The following ADGRL2 variants were observed in gnomAD, a reference collection of about 807,000 sequenced individuals.
ADGRL2 encodes calcium-independent alpha-latrotoxin receptor 2.
A neutral mutation model predicts 157.4 loss-of-function variants in ADGRL2; 44 were observed. That is an observed-to-expected ratio of 0.28 (90% CI 0.22 to 0.36). The LOEUF (loss-of-function observed/expected upper bound fraction) is 0.36. ADGRL2 is among the 10% of genes least tolerant of loss of function. ADGRL2 has a pLI of 1.00. For missense variants in ADGRL2, 1,510 were observed against 1,768.9 expected (o/e 0.85, Z 2.63); for synonymous variants, 585 against 624.7 (o/e 0.94, Z 0.95).
chr1:81,950,218 T>G lies in ADGRL2; in HGVS notation c.1240T>G (p.Ser414Ala). 1 of 1,613,940 alleles carries G rather than the reference T, an allele frequency of 6.2e-7. No individual in the cohort carries two copies. The highest frequency in any genetic ancestry group is 8.5e-7 in the Non-Finnish European group (1 of 1,179,878). ...VPTTAVTITS[S>A]AELFKTIIST... is the part of the protein sequence containing the mutation. ...TACCACAGCTGTGACAATAACTTCT[T>G]CAGCTGAGCTGTTCAAAACCATAAT... Residue 414 changes from serine to alanine, a missense_variant, in exon 7 of 24, where the codon TCA becomes GCA. Transcript: ENST00000686636.
At chr1:81,477,597 G>A (rs2078298898) in intron 2 of ADGRL2, among the ~76,000 whole-genome samples, 1 of 152,170 alleles carries the variant, frequency 6.6e-6, no homozygotes, top group Non-Finnish European at 1.5e-5. Context: ...TTCACAATAT[G>A]CCCTGGCACT....
At chr1:81,653,181 T>C (rs530919779) in intron 3 of ADGRL2, among the ~76,000 whole-genome samples, 91 of 152,274 alleles carry the variant, frequency 6.0e-4, no homozygotes, top group African/African-American at 2.1e-3. Flanking sequence ...TGTTGTCTCT[T>C]GCAACTTATT....
chr1:81,592,316 C>T (rs112764060), intron 3 of ADGRL2, among the ~76,000 whole-genome samples: 1 of 152,182 alleles, frequency 6.6e-6, no homozygotes, highest in Non-Finnish European at 1.5e-5. Context: ...CTCAAATACT[C>T]AATTCTGTCT....
In ADGRL2 at chr1:81,992,171, T is replaced by C. The variant is rs779635210; in HGVS notation, c.*1026T>C. The C allele has an allele frequency of 3.9e-5, 6 of 152,592 alleles. No homozygotes were observed. Among genetic ancestry groups the C allele is most frequent in the Non-Finnish European group, 8.8e-5 (6 of 68,020 alleles). 9.5% of individuals were successfully genotyped at this position (152,592 alleles called of 1,614,324 possible). ...TGGGCACTTCTCACAAACTTTCTAGTGAACAAAAGGTGCCTATTCTTTTTT... is the reference window on the plus strand; with the variant it reads ...TGGGCACTTCTCACAAACTTTCTAGCGAACAAAAGGTGCCTATTCTTTTTT... On this transcript the variant is annotated 3_prime_UTR_variant, in exon 24 of 24. Coordinates refer to ENST00000686636, the MANE Select transcript of ADGRL2 (RefSeq NM_001366006.2).
intron 1 of ADGRL2, among the ~76,000 whole-genome samples, chr1:81,820,695 G>A (rs1260027727): frequency 6.7e-6 from 1 of 149,690 alleles, no homozygotes; most frequent in Admixed American, 6.7e-5. Context: ...TTGATGTTCT[G>A]ATATTGAGAA....
intron 2 of ADGRL2, among the ~76,000 whole-genome samples, chr1:81,467,398 G>A (rs184412694): frequency 2.0e-5 from 3 of 152,158 alleles, no homozygotes; most frequent in Admixed American, 2.0e-4. Flanking sequence ...AAAAGACAGG[G>A]AGGAAAACAA....
At chr1:81,549,250 T>C (rs2080088511) in intron 2 of ADGRL2, among the ~76,000 whole-genome samples, 1 of 152,200 alleles carries the variant, frequency 6.6e-6, no homozygotes, top group Admixed American at 6.5e-5. Flanking sequence ...GGGTAGGTTT[T>C]GAGATACACA....
At chr1:81,329,602 T>A (rs978677013) in intron 1 of ADGRL2, among the ~76,000 whole-genome samples, 7 of 152,182 alleles carry the variant, frequency 4.6e-5, no homozygotes, top group Admixed American at 1.3e-4. Flanking sequence ...GCTTCATATG[T>A]CTGCCTGAGC....
At chr1:81,850,784 A>G (rs2092976222) in intron 2 of ADGRL2, among the ~76,000 whole-genome samples, 1 of 151,880 alleles carries the variant, frequency 6.6e-6, no homozygotes, top group Non-Finnish European at 1.5e-5. Flanking sequence ...TGGTCAGAGC[A>G]ATTTTATAGG....
intron 1 of ADGRL2, among the ~76,000 whole-genome samples, chr1:81,372,212 C>T (rs899306824): frequency 4.0e-5 from 6 of 151,868 alleles, no homozygotes; most frequent in Non-Finnish European, 8.8e-5. Flanking sequence ...TACAGTAGTA[C>T]TTTAATTAAT....
chr1:81,984,747 T>G, intron 20 of ADGRL2, 36 bp downstream of exon 20: 1 of 1,607,636 alleles, frequency 6.2e-7, no homozygotes, highest in Non-Finnish European at 8.5e-7. Context: ...TAATTAACCT[T>G]ATTTATAGAA....
intron 2 of ADGRL2, among the ~76,000 whole-genome samples, chr1:81,862,121 A>G (rs6684197): frequency 0.055 from 8,425 of 152,194 alleles, 712 homozygotes; most frequent in African/African-American, 0.18. Flanking sequence ...AACTTAAGGT[A>G]ATAGAAAATT....
chr1:81,881,207 G>C lies in ADGRL2; in HGVS notation c.74-25810G>C, dbSNP rs143076533. ...TATTTTATTTTTGAGACGGAGTCTTGCTCTGTCACCCAGGCTGGAGTGCAG... is the reference window on the plus strand; with the variant it reads ...TATTTTATTTTTGAGACGGAGTCTTCCTCTGTCACCCAGGCTGGAGTGCAG... On this transcript the variant is annotated intron_variant, in intron 2 of 23. Coordinates refer to ENST00000686636, the MANE Select transcript of ADGRL2 (RefSeq NM_001366006.2). Among the ~76,000 whole-genome samples the C allele has an allele frequency of 7.4e-4, 113 of 152,212 alleles. 3 individuals are homozygous for C. The East Asian group carries it at 0.021, about 28-fold the overall frequency.
At chr1:81,465,119 G>A (rs575044195) in intron 2 of ADGRL2, among the ~76,000 whole-genome samples, 5 of 152,138 alleles carry the variant, frequency 3.3e-5, no homozygotes, top group Admixed American at 6.5e-5. Flanking sequence ...TGTATTGTTT[G>A]TGAAATCATT....
In ADGRL2 at chr1:81,590,759, A is replaced by G. The variant is rs145444193; in HGVS notation, c.-143+9779A>G. Reference sequence around the variant, plus strand: ...ATTTCTTTCTCCACAATCTATTACTATAGTGCCAGGATCTCTACTTCATTT... The same window carrying G: ...ATTTCTTTCTCCACAATCTATTACTGTAGTGCCAGGATCTCTACTTCATTT... On this transcript the variant is annotated intron_variant, in intron 3 of 24. Coordinates refer to the ADGRL2 transcript ENST00000370721. 6.6e-5 allele frequency among the ~76,000 whole-genome samples: 10 copies of G among 152,180 alleles called. No individual in the cohort carries two copies. In the East Asian group the frequency reaches 1.9e-3, roughly 29 times the overall value.
chr1:81,677,017 G>A (rs1360243042), intron 3 of ADGRL2, among the ~76,000 whole-genome samples: 3 of 133,464 alleles, frequency 2.2e-5, no homozygotes, highest in Non-Finnish European at 4.7e-5. Flanking sequence ...TCAGAGTTTC[G>A]CTCTTGTTGC....
chr1:81,711,009 T>G (rs1268924409), intron 1 of ADGRL2, among the ~76,000 whole-genome samples: 1 of 152,184 alleles, frequency 6.6e-6, no homozygotes, highest in Non-Finnish European at 1.5e-5. Flanking sequence ...CATTGGTCAT[T>G]TGGAAAGTAT....
intron 3 of ADGRL2, among the ~76,000 whole-genome samples, chr1:81,662,943 T>C (rs752702298): frequency 2.6e-5 from 4 of 152,062 alleles, no homozygotes; most frequent in Non-Finnish European, 4.4e-5. Context: ...AATGGTGGTG[T>C]TGAGGTTCAG....
chr1:81,599,413 G>T (rs1346424030), intron 3 of ADGRL2, among the ~76,000 whole-genome samples: 1 of 152,110 alleles, frequency 6.6e-6, no homozygotes, highest in African/African-American at 2.4e-5. Flanking sequence ...TAAGATATCA[G>T]TAACATGGTA....
Sources: gnomAD v4.1 joint callset for allele counts (sites outside exome capture counted in the v4.1 genomes callset) on GRCh38, gnomAD v4.1.1 for gene constraint, MANE v1.5 for transcripts, NCBI Gene and HGNC (gene_info 2026-07-23, HGNC 2026-07-21) for gene names.